Variants in KLHL1 observed in about 807,000 individuals in gnomAD.
The protein encoded by KLHL1 is kelch-like protein 1.
Under a neutral mutation model 77.7 loss-of-function variants are expected in KLHL1, and 47 were observed. The ratio of observed to expected loss-of-function variants is 0.60; its 90% CI spans 0.48 to 0.77. KLHL1 has a LOEUF of 0.77. Among genes scored for constraint, KLHL1 ranks in the 30% least tolerant of loss-of-function variants. The probability of loss-of-function intolerance (pLI) is 0.00; values close to 1 mark genes in which losing one functional copy is unlikely to be tolerated. For synonymous variants in KLHL1, 360 were observed against 325.2 expected, an observed-to-expected ratio of 1.11 and a Z score of -1.15; for missense variants, 925 against 910.8, an observed-to-expected ratio of 1.02 and a Z score of -0.20.
chr13:69,881,314 T>C (rs190316770), intron 5 of KLHL1, among the ~76,000 whole-genome samples: 18 of 152,286 alleles, frequency 1.2e-4, no homozygotes, highest in Admixed American at 1.0e-3. Context: ...TGTTAATACT[T>C]CATACTTGCC....
At chr13:69,723,584 C>T (rs893334572) in intron 8 of KLHL1, among the ~76,000 whole-genome samples, 10 of 152,064 alleles carry the variant, frequency 6.6e-5, no homozygotes, top group Admixed American at 6.6e-4. Flanking sequence ...TGGCCAAAGG[C>T]ACTCTCGAGT....
chr13:70,079,369 C>G (rs547993092), intron 1 of KLHL1, among the ~76,000 whole-genome samples: 1 of 152,128 alleles, frequency 6.6e-6, no homozygotes, highest in South Asian at 2.1e-4. Flanking sequence ...TGTATGCCGA[C>G]GTTTGTAACC....
At chr13:69,935,290 A>T (rs2138290092) in intron 4 of KLHL1, among the ~76,000 whole-genome samples, 1 of 37,088 alleles carries the variant, frequency 2.7e-5, no homozygotes, top group South Asian at 9.1e-4. Context: ...CATAGCAGTC[A>T]ATAGTCACTA....
chr13:69,752,376 C>T (rs772109597), intron 7 of KLHL1, among the ~76,000 whole-genome samples: 1 of 152,058 alleles, frequency 6.6e-6, no homozygotes, highest in Non-Finnish European at 1.5e-5. Context: ...GAATCTTCCA[C>T]AAATATTGTC....
At chr13:69,817,619 C>T (rs142966710) in intron 6 of KLHL1, among the ~76,000 whole-genome samples, 2 of 152,160 alleles carry the variant, frequency 1.3e-5, no homozygotes, top group South Asian at 4.1e-4. Context: ...GACTATTTCT[C>T]TTTTCCAGAG....
chr13:69,976,482 T>C (rs1345308474), intron 1 of KLHL1, among the ~76,000 whole-genome samples: 1 of 152,008 alleles, frequency 6.6e-6, no homozygotes, highest in Admixed American at 6.6e-5. Flanking sequence ...TAATATAGAC[T>C]GTTTCAAAAA....
At chr13:70,052,912 A>T (rs543290458) in intron 1 of KLHL1, among the ~76,000 whole-genome samples, 1 of 152,162 alleles carries the variant, frequency 6.6e-6, no homozygotes, top group South Asian at 2.1e-4. Flanking sequence ...TGATATCTAC[A>T]AATCTATTGT....
chr13:70,088,445 G>C (rs1162865573), intron 1 of KLHL1, among the ~76,000 whole-genome samples: 1 of 152,164 alleles, frequency 6.6e-6, no homozygotes, highest in Non-Finnish European at 1.5e-5. Context: ...TTGGGGAGAT[G>C]AAGGATGGAG....
At chr13:70,059,468 C>G (rs572405098) in intron 1 of KLHL1, among the ~76,000 whole-genome samples, 7 of 152,110 alleles carry the variant, frequency 4.6e-5, no homozygotes, top group Non-Finnish European at 8.8e-5. Flanking sequence ...CCACGCCTGG[C>G]TGGGCAAATA....
intron 5 of KLHL1, among the ~76,000 whole-genome samples, chr13:69,856,584 C>T (rs1879929256): frequency 6.6e-6 from 1 of 152,048 alleles, no homozygotes; most frequent in Admixed American, 6.6e-5. Context: ...ACAGTATGTT[C>T]TGAATTCCAG....
At position 70,043,744 on chromosome 13, in the gene KLHL1, G is replaced by A. The variant is rs570318081; in HGVS notation, c.497+63459C>T. ...TATACCATGTAGCCTACATGTGTAG[G>A]AGGCTGTACCATCTCAGTTTATATA... On this transcript the variant is annotated intron_variant, in intron 1 of 10. Transcript: ENST00000377844. Among the ~76,000 whole-genome samples the A allele has an allele frequency of 2.1e-3, 314 of 152,314 alleles. 2 individuals carry two copies. Among genetic ancestry groups the A allele is most frequent in the African/African-American group, 7.0e-3 (290 of 41,556 alleles).
chr13:70,024,620 TTCTCTC>T (rs5804459), intron 1 of KLHL1, among the ~76,000 whole-genome samples: 3,359 of 130,354 alleles, frequency 0.026, 79 homozygotes, highest in Non-Finnish European at 0.033. Flanking sequence ...GAGAAAAGAT[TTCTCTC>T]TCTCTCTCTC....
intron 5 of KLHL1, among the ~76,000 whole-genome samples, chr13:69,849,382 C>T (rs2911516): frequency 0.93 from 141,533 of 151,446 alleles, 66,362 homozygotes; most frequent in East Asian, 0.99. Context: ...TCCCCAATAC[C>T]CTGAAGCACG....
At chr13:69,891,926 A>G (rs1881436417) in intron 4 of KLHL1, among the ~76,000 whole-genome samples, 1 of 152,054 alleles carries the variant, frequency 6.6e-6, no homozygotes, top group Non-Finnish European at 1.5e-5. Context: ...TACTCCAGTC[A>G]GCTAAACAAT....
At chr13:69,920,552 G>A (rs1009668803) in intron 4 of KLHL1, among the ~76,000 whole-genome samples, 4 of 151,982 alleles carry the variant, frequency 2.6e-5, no homozygotes, top group Non-Finnish European at 2.9e-5. Flanking sequence ...ACTATATTGA[G>A]GAGCAATATA....
chr13:69,834,261 T>C (rs1322946485), intron 6 of KLHL1, among the ~76,000 whole-genome samples: 1 of 151,668 alleles, frequency 6.6e-6, no homozygotes, highest in Admixed American at 6.6e-5. Flanking sequence ...AGTACATAAA[T>C]TGGGGGGAGA....
chr13:70,065,523 A>G (rs1055152825), intron 1 of KLHL1, among the ~76,000 whole-genome samples: 14 of 152,334 alleles, frequency 9.2e-5, no homozygotes, highest in Admixed American at 5.9e-4. Flanking sequence ...CAGTGACAAG[A>G]AAACAGCCAT....
intron 1 of KLHL1, among the ~76,000 whole-genome samples, chr13:70,066,492 G>C (rs1200711710): frequency 2.0e-5 from 3 of 152,168 alleles, no homozygotes; most frequent in African/African-American, 7.2e-5. Context: ...TATGACATCA[G>C]AGAAATGAGC....
intron 4 of KLHL1, among the ~76,000 whole-genome samples, chr13:69,934,968 A>G (rs973693585): frequency 2.1e-3 from 127 of 59,452 alleles, no homozygotes; most frequent in African/African-American, 4.7e-3. Context: ...ATGTGTATAT[A>G]TATATATATA....
Sources: gnomAD v4.1 joint callset for allele counts (sites outside exome capture counted in the v4.1 genomes callset) on GRCh38, gnomAD v4.1.1 for gene constraint, MANE v1.5 for transcripts, NCBI Gene and HGNC (gene_info 2026-07-23, HGNC 2026-07-21) for gene names.